Variants in RORA observed in about 807,000 individuals in gnomAD.
RORA encodes the protein nuclear receptor ROR-alpha.
Under a neutral mutation model 69.5 loss-of-function variants are expected in RORA, and 7 were observed. The observed-to-expected ratio is 0.10, with a 90% CI of 0.06 to 0.19. The LOEUF (loss-of-function observed/expected upper bound fraction) is 0.19, where lower values mean the gene tolerates loss of function less well. RORA is among the 10% of genes least tolerant of loss of function. The pLI, the probability that RORA is intolerant of heterozygous loss-of-function variation, is 1.00. For synonymous variants in RORA, 261 were observed against 240.8 expected, an observed-to-expected ratio of 1.08 and a Z score of -0.78; for missense variants, 457 against 663.0, an observed-to-expected ratio of 0.69 and a Z score of 3.41.
At position 61,211,956 on chromosome 15, in the gene RORA, G is replaced by A. The variant is rs184489243; in HGVS notation, c.166+17097C>T. On this transcript the variant is annotated intron_variant, in intron 1 of 10. Coordinates refer to ENST00000335670, the MANE Select transcript of RORA (RefSeq NM_134261.3). ...CCAGTCATAACCAAGGTCAGCATCC[G>A]CCTGGCCAAACACTTGGTGCATTTC... 1.2e-4 allele frequency: 18 copies of A among 152,242 alleles called. 1 individual carries two copies. Among genetic ancestry groups the A allele is most frequent in the African/African-American group, 2.6e-4 (11 of 41,536 alleles). The allele number at this position is 152,242 out of a possible 1,614,324, so 9.4% of individuals were successfully genotyped here.
chr15:60,990,490 C>T (rs1336856909), intron 1 of RORA, among the ~76,000 whole-genome samples: 1 of 152,112 alleles, frequency 6.6e-6, no homozygotes, highest in Admixed American at 6.5e-5. Flanking sequence ...TGGTGTAATT[C>T]TTTCATTTCC....
intron 1 of RORA, among the ~76,000 whole-genome samples, chr15:60,924,937 T>G (rs8023689): frequency 0.31 from 46,804 of 151,572 alleles, 7,414 homozygotes; most frequent in South Asian, 0.41. Context: ...AAATTAGCTG[T>G]GCGTGGTGGC....
rs199798056 is a variant in RORA at position 60,550,291 on chromosome 15, A to AAAACAAAC, written c.197-18448_197-18441dup. 2.6e-5 allele frequency among the ~76,000 whole-genome samples: 4 copies of AAAACAAAC among 152,206 alleles called. 1 individual carries two copies. The highest frequency in any genetic ancestry group is 9.6e-5 in the African/African-American group (4 of 41,462). The stretch of plus-strand genomic sequence containing the variant: ...GGCAGCAGAGTGAGACTCCGTCTCA[A>AAAACAAAC]AAACAAACAAACAAACAAACAAAAA... On this transcript the variant is annotated intron_variant, in intron 2 of 10. Transcript: ENST00000335670.
At chr15:60,551,108 A>T (rs1405072167) in intron 2 of RORA, among the ~76,000 whole-genome samples, 1 of 152,176 alleles carries the variant, frequency 6.6e-6, no homozygotes, top group African/African-American at 2.4e-5. Context: ...AGAAATAACT[A>T]TAGCTATATA....
intron 1 of RORA, among the ~76,000 whole-genome samples, chr15:60,813,744 A>G (rs1316957181): frequency 1.3e-5 from 2 of 152,236 alleles, no homozygotes; most frequent in Non-Finnish European, 2.9e-5. Context: ...ATATTACAGT[A>G]TAGTTTACAA....
At chr15:61,217,282 C>A (rs2080048997) in intron 1 of RORA, among the ~76,000 whole-genome samples, 1 of 152,100 alleles carries the variant, frequency 6.6e-6, no homozygotes, top group Non-Finnish European at 1.5e-5. Flanking sequence ...TATCAGACAG[C>A]GTAAAAGAGG....
intron 1 of RORA, among the ~76,000 whole-genome samples, chr15:61,163,854 A>G (rs12916023): frequency 0.46 from 70,672 of 152,142 alleles, 16,679 homozygotes; most frequent in Non-Finnish European, 0.51. Flanking sequence ...TTTCTCCAAA[A>G]AGATTGTTGC....
At chr15:60,690,286 T>C (rs2070804725) in intron 1 of RORA, among the ~76,000 whole-genome samples, 1 of 152,238 alleles carries the variant, frequency 6.6e-6, no homozygotes, top group African/African-American at 2.4e-5. Context: ...AAGACTAGAT[T>C]CTTACCAAGA....
intron 1 of RORA, among the ~76,000 whole-genome samples, chr15:60,950,927 C>T (rs1487988451): frequency 6.7e-6 from 1 of 149,232 alleles, no homozygotes; most frequent in African/African-American, 2.5e-5. Flanking sequence ...CTCAGCTCTG[C>T]ACCAAGCGGA....
At chr15:60,733,105 C>T (rs113891512) in intron 1 of RORA, among the ~76,000 whole-genome samples, 3,150 of 152,238 alleles carry the variant, frequency 0.021, 119 homozygotes, top group African/African-American at 0.073. Context: ...TCAGAACTTT[C>T]ATAAGTTGGA....
At chr15:60,561,226 C>A (rs893048309) in intron 2 of RORA, among the ~76,000 whole-genome samples, 1 of 151,402 alleles carries the variant, frequency 6.6e-6, no homozygotes, top group Non-Finnish European at 1.5e-5. Context: ...GGACTACAGG[C>A]GCCCGCTACC....
chr15:60,974,035 T>C (rs1186630618), intron 1 of RORA, among the ~76,000 whole-genome samples: 2 of 152,252 alleles, frequency 1.3e-5, no homozygotes, highest in Non-Finnish European at 2.9e-5. Flanking sequence ...CCTCTGTTAA[T>C]TGACTTCATT....
chr15:60,847,600 G>A (rs1015037715), intron 1 of RORA, among the ~76,000 whole-genome samples: 1 of 151,718 alleles, frequency 6.6e-6, no homozygotes, highest in Non-Finnish European at 1.5e-5. Context: ...TGTAGCTGTC[G>A]AGCACTTGAA....
intron 2 of RORA, among the ~76,000 whole-genome samples, chr15:60,668,741 T>G (rs1457117364): frequency 6.6e-6 from 1 of 152,142 alleles, no homozygotes; most frequent in Non-Finnish European, 1.5e-5. Context: ...GAGAGATAAA[T>G]TAACTCAATA....
intron 1 of RORA, among the ~76,000 whole-genome samples, chr15:60,884,335 T>A (rs2073727969): frequency 3.1e-5 from 1 of 32,580 alleles, no homozygotes; most frequent in African/African-American, 6.1e-5. Context: ...TTTGTAGAAT[T>A]TTTTTTTTTT....
At chr15:61,210,298 C>A (rs1331205785) in intron 1 of RORA, among the ~76,000 whole-genome samples, 1 of 152,158 alleles carries the variant, frequency 6.6e-6, no homozygotes, top group Non-Finnish European at 1.5e-5. Flanking sequence ...CTGACAATGC[C>A]CAGTACTGTT....
chr15:60,651,614 CG>C (rs2070143665), intron 2 of RORA, among the ~76,000 whole-genome samples: 1 of 152,152 alleles, frequency 6.6e-6, no homozygotes, highest in Non-Finnish European at 1.5e-5. Flanking sequence ...TTTACCCAAC[CG>C]CCCTTCCCCC....
chr15:60,513,803 T>A (rs2065778630), intron 4 of RORA, among the ~76,000 whole-genome samples: 1 of 152,236 alleles, frequency 6.6e-6, no homozygotes, highest in African/African-American at 2.4e-5. Context: ...GAAAGCCTGC[T>A]CCGCATTCTG....
At chr15:60,610,808 C>G (rs2069067990) in intron 2 of RORA, among the ~76,000 whole-genome samples, 1 of 152,088 alleles carries the variant, frequency 6.6e-6, no homozygotes, top group Non-Finnish European at 1.5e-5. Context: ...TCCAGGGCGA[C>G]CATCCAAATA....
Sources: allele counts gnomAD v4.1 joint callset (sites outside exome capture counted in the v4.1 genomes callset), GRCh38; gene constraint gnomAD v4.1.1; transcripts MANE v1.5; gene names NCBI Gene and HGNC (gene_info 2026-07-23, HGNC 2026-07-21).